Variants in NRXN1 observed in about 807,000 individuals in gnomAD.
NRXN1 encodes neurexin 1.
Under a neutral mutation model 150.9 loss-of-function variants are expected in NRXN1, and 39 were observed. That is an observed-to-expected ratio of 0.26 (90% CI 0.20 to 0.34). The LOEUF is 0.34. NRXN1 is among the 10% of genes least tolerant of loss of function. NRXN1 has a pLI of 1.00. For synonymous variants in NRXN1, 924 were observed against 757.0 expected (o/e 1.22, Z -3.62); for missense variants, 1,815 against 1,949.9 (o/e 0.93, Z 1.30).
chr2:50,604,177 GT>G (rs1442524346), intron 8 of NRXN1, among the ~76,000 whole-genome samples: 2 of 152,172 alleles, frequency 1.3e-5, no homozygotes, highest in African/African-American at 4.8e-5. Context: ...TCTATGCAGA[GT>G]TTTCTAGAAA....
intron 6 of NRXN1, among the ~76,000 whole-genome samples, chr2:50,622,435 T>A (rs771352452): frequency 1.3e-5 from 2 of 152,138 alleles, no homozygotes; most frequent in Admixed American, 6.5e-5. Flanking sequence ...TAGTTTAAGA[T>A]CAGCATGTAC....
At chr2:50,196,921 G>T (rs1203472787) in intron 18 of NRXN1, among the ~76,000 whole-genome samples, 2 of 152,084 alleles carry the variant, frequency 1.3e-5, no homozygotes, top group Non-Finnish European at 2.9e-5. Flanking sequence ...GTGGAGGGTG[G>T]GAGGAAGGAG....
intron 18 of NRXN1, among the ~76,000 whole-genome samples, chr2:50,209,315 TAATTCAA>T (rs1458551860): frequency 3.3e-5 from 5 of 152,144 alleles, no homozygotes; most frequent in African/African-American, 1.2e-4. Context: ...CCAGAGAGTC[TAATTCAA>T]GGCATTAACA....
At chr2:50,318,584 A>G (rs1178748560) in intron 17 of NRXN1, among the ~76,000 whole-genome samples, 1 of 152,082 alleles carries the variant, frequency 6.6e-6, no homozygotes, top group Non-Finnish European at 1.5e-5. Context: ...TTTTTCACTC[A>G]GTAGAATGAT....
intron 17 of NRXN1, among the ~76,000 whole-genome samples, chr2:50,260,627 CCGTT>C (rs2068162445): frequency 1.7e-5 from 2 of 116,396 alleles, no homozygotes; most frequent in African/African-American, 6.9e-5. Flanking sequence ...TTTTTTTTTT[CCGTT>C]TTTTTTTTTT....
At chr2:49,999,094 A>G (rs915145367) in intron 21 of NRXN1, among the ~76,000 whole-genome samples, 1 of 152,174 alleles carries the variant, frequency 6.6e-6, no homozygotes, top group Non-Finnish European at 1.5e-5. Context: ...GGAACTAAAA[A>G]TTTGTGTTTC....
chr2:50,083,794 C>A (rs368165974), intron 19 of NRXN1, among the ~76,000 whole-genome samples: 1 of 152,058 alleles, frequency 6.6e-6, no homozygotes, highest in Non-Finnish European at 1.5e-5. Flanking sequence ...CACCTCCCCA[C>A]TAGATAAGCT....
chr2:50,827,706 A>T (rs897567325), intron 5 of NRXN1, among the ~76,000 whole-genome samples: 2 of 152,014 alleles, frequency 1.3e-5, no homozygotes, highest in African/African-American at 4.8e-5. Context: ...CAGCAGATAA[A>T]CAAGTGAACA....
intron 17 of NRXN1, among the ~76,000 whole-genome samples, chr2:50,279,995 C>G (rs2071194056): frequency 6.6e-6 from 1 of 152,092 alleles, no homozygotes; most frequent in Non-Finnish European, 1.5e-5. Flanking sequence ...CTAAGCAGGG[C>G]TTGCATAACA....
chr2:50,008,164 G>A (rs1201870086), intron 21 of NRXN1, among the ~76,000 whole-genome samples: 1 of 152,082 alleles, frequency 6.6e-6, no homozygotes, highest in Admixed American at 6.6e-5. Flanking sequence ...AAAATAGGAG[G>A]TTCAATGTTT....
In NRXN1 at chr2:51,028,368, G is replaced by A. The variant is rs1292773255; in HGVS notation, c.-95C>T. Reference sequence around the variant, plus strand: ...GAAGAAATAAGGGTCCCGAGAGACAGAAAGGTAAGGGGAAAGGCGGGAGTG... The same window carrying A: ...GAAGAAATAAGGGTCCCGAGAGACAAAAAGGTAAGGGGAAAGGCGGGAGTG... On this transcript the variant is annotated 5_prime_UTR_variant, in exon 2 of 23. Transcript: ENST00000401669. 3.7e-6 allele frequency: 3 copies of A among 814,712 alleles called. No individual in the cohort carries two copies. The highest frequency in any genetic ancestry group is 5.8e-5 in the East Asian group (2 of 34,402). The allele number at this position is 814,712 out of a possible 1,614,324, so 50.5% of individuals were successfully genotyped here. A position where few individuals can be genotyped will look rare whatever the true frequency, so the allele number is the denominator to read the frequency against.
chr2:50,374,974 T>C (rs563730922), intron 17 of NRXN1, among the ~76,000 whole-genome samples: 203 of 152,278 alleles, frequency 1.3e-3, no homozygotes, highest in Non-Finnish European at 1.8e-3. Context: ...ATCAAGTTAC[T>C]AAATGGATCA....
intron 21 of NRXN1, among the ~76,000 whole-genome samples, chr2:50,001,337 G>C (rs1187036274): frequency 6.6e-6 from 1 of 152,120 alleles, no homozygotes; most frequent in African/African-American, 2.4e-5. Context: ...CAATCATACT[G>C]AAGTACAAAT....
intron 17 of NRXN1, among the ~76,000 whole-genome samples, chr2:50,433,481 GAAACGTTTCTTCTATAT>G (rs2085151261): frequency 1.3e-5 from 2 of 151,810 alleles, no homozygotes; most frequent in South Asian, 4.1e-4. Flanking sequence ...TTCAGTGGAA[GAAACGTTTCTTCTATAT>G]ATTTTCTCAG....
At chr2:50,406,369 T>C (rs559877751) in intron 17 of NRXN1, among the ~76,000 whole-genome samples, 2 of 152,302 alleles carry the variant, frequency 1.3e-5, no homozygotes, top group African/African-American at 4.8e-5. Context: ...TCTGGATCTT[T>C]TGTGAAGAGC....
At chr2:51,024,469 G>C (rs775414633) in intron 2 of NRXN1, among the ~76,000 whole-genome samples, 1 of 151,964 alleles carries the variant, frequency 6.6e-6, no homozygotes, top group Non-Finnish European at 1.5e-5. Context: ...ACAAATAAAA[G>C]TGTTTATGCT....
intron 2 of NRXN1, 125 bp downstream of exon 2, chr2:51,027,377 C>T (rs781708160): frequency 8.2e-6 from 8 of 981,436 alleles, no homozygotes; most frequent in African/African-American, 1.7e-5. Context: ...GAAACAAGGT[C>T]CTTCCCTCGA....
chr2:50,720,788 T>C (rs1330182819), intron 5 of NRXN1, among the ~76,000 whole-genome samples: 2 of 152,132 alleles, frequency 1.3e-5, no homozygotes, highest in Non-Finnish European at 2.9e-5. Flanking sequence ...GCTAGAAAAA[T>C]GCACGGAAAG....
At chr2:50,126,361 T>C (rs1350518952) in intron 18 of NRXN1, among the ~76,000 whole-genome samples, 2 of 152,036 alleles carry the variant, frequency 1.3e-5, no homozygotes, top group Non-Finnish European at 2.9e-5. Context: ...GTTTAAGTCG[T>C]GGGTACAGGT....
Sources: allele counts gnomAD v4.1 joint callset (sites outside exome capture counted in the v4.1 genomes callset), GRCh38; gene constraint gnomAD v4.1.1; transcripts MANE v1.5; gene names NCBI Gene and HGNC (gene_info 2026-07-23, HGNC 2026-07-21).